Variants in LIG1 observed in about 807,000 individuals in gnomAD.
LIG1 encodes DNA ligase 1, also known as ligase I, DNA, ATP-dependent.
A neutral mutation model predicts 115.7 loss-of-function variants in LIG1; 70 were observed. That is an observed-to-expected ratio of 0.60 (90% CI 0.50 to 0.74). LIG1 has a LOEUF of 0.74. Ranked by LOEUF, LIG1 falls within the 30% of genes least tolerant of loss-of-function variation. The pLI is 0.00. For missense variants in LIG1, 1,115 were observed against 1,225.6 expected (o/e 0.91, Z 1.35); for synonymous variants, 487 against 495.3 (o/e 0.98, Z 0.22).
chr19:48,122,895 C>T lies in LIG1; in HGVS notation c.2232+39G>A. ...TGCCTAGCTGGGACAGACCTCCAGACCCGGGGTGGAGAAGGCCCAGTTGGG... is the reference window on the plus strand; with the variant it reads ...TGCCTAGCTGGGACAGACCTCCAGATCCGGGGTGGAGAAGGCCCAGTTGGG... On this transcript the variant is annotated intron_variant, in intron 23 of 27. Coordinates refer to ENST00000263274, the MANE Select transcript of LIG1 (RefSeq NM_000234.3). This position sits in a 1 kb window ranked among gnomAD's most constrained non-coding sequence, Gnocchi z 4.3. 6.3e-7 allele frequency: 1 copy of T among 1,590,000 alleles called. No individual in the cohort carries two copies. The highest frequency in any genetic ancestry group is 8.6e-7 in the Non-Finnish European group (1 of 1,158,306).
In LIG1 at chr19:48,127,933, C is replaced by T. The variant is rs1198936522; in HGVS notation, c.1909G>A (p.Val637Met). The T allele has an allele frequency of 2.5e-6, 4 of 1,614,106 alleles. No homozygotes were observed. The highest frequency in any genetic ancestry group is 1.7e-6 in the Non-Finnish European group (2 of 1,180,006). Residue 637 changes from valine (V) to methionine (M), a missense_variant, in exon 20 of 28, where the codon GTG becomes ATG. Physicochemically the swap from Val to Met is conservative, Grantham distance 21. Transcript: ENST00000263274. The stretch of plus-strand genomic sequence containing the variant: ...ACCTTGCGTTTGCGGGTGGTGAGCA[C>T]TTGGAATGGCTGGATCTGCTTCTTT... Reference protein sequence around the residue: ...REKKQIQPFQVLTTRKRKEVD... With the variant: ...REKKQIQPFQMLTTRKRKEVD...
intron 21 of LIG1, among the ~76,000 whole-genome samples, chr19:48,125,421 G>A (rs2033598026): frequency 6.6e-6 from 1 of 152,108 alleles, no homozygotes; most frequent in South Asian, 2.1e-4. Flanking sequence ...ATGAAATTGG[G>A]GGTTTGAGCA....
At position 48,122,512 on chromosome 19, in the gene LIG1, G is replaced by A. The variant is rs2033358001; in HGVS notation, c.2232+422C>T. 1 of 320,660 alleles carries A rather than the reference G, an allele frequency of 3.1e-6. No homozygotes were observed. The highest frequency in any genetic ancestry group is 6.1e-6 in the Non-Finnish European group (1 of 163,078). The allele number at this position is 320,660 out of a possible 1,614,324, so 19.9% of individuals were successfully genotyped here. A position where few individuals can be genotyped will look rare whatever the true frequency, so the allele number is the denominator to read the frequency against. ...CCTAGTGCTCTGTCCCTCACTTTGG[G>A]AAAGACTCTTCCTGATCATCCGGGG... is the stretch of plus-strand genomic sequence containing the variant. On this transcript the variant is annotated intron_variant, in intron 23 of 27. Transcript: ENST00000263274. This position sits in a 1 kb window ranked among gnomAD's most constrained non-coding sequence, Gnocchi z 4.3.
intron 4 of LIG1, among the ~76,000 whole-genome samples, chr19:48,157,961 A>G (rs2035955383): frequency 6.6e-6 from 1 of 152,170 alleles, no homozygotes. Context: ...CAGATCCCTC[A>G]TGAATGGCTT....
chr19:48,148,962 T>C (rs1383597632), intron 9 of LIG1, among the ~76,000 whole-genome samples: 1 of 152,168 alleles, frequency 6.6e-6, no homozygotes, highest in Non-Finnish European at 1.5e-5. Context: ...GGGTGTTCAG[T>C]GAATTTTAAG....
chr19:48,152,368 C>A (rs1048264419), intron 6 of LIG1, among the ~76,000 whole-genome samples: 2 of 152,206 alleles, frequency 1.3e-5, no homozygotes, highest in African/African-American at 4.8e-5. Flanking sequence ...AGTGATCCAC[C>A]CGCTTCGGCC....
At chr19:48,158,273 G>A (rs1039782606) in intron 4 of LIG1, among the ~76,000 whole-genome samples, 1 of 152,186 alleles carries the variant, frequency 6.6e-6, no homozygotes, top group Non-Finnish European at 1.5e-5. Flanking sequence ...TCCACTTAAT[G>A]TTGAGTGGGG....
intron 21 of LIG1, among the ~76,000 whole-genome samples, chr19:48,126,678 C>T (rs2033690189): frequency 6.7e-6 from 1 of 149,920 alleles, no homozygotes; most frequent in Non-Finnish European, 1.5e-5. Context: ...ATTATAGTTA[C>T]ACCTATTAGA....
Position 48,123,023 on chromosome 19 carries a change from G to A in LIG1, c.2150-7C>T. The A allele has an allele frequency of 3.7e-6, 6 of 1,613,862 alleles. No homozygotes were observed. Among genetic ancestry groups the A allele is most frequent in the Non-Finnish European group, 5.1e-6 (6 of 1,179,868 alleles). On this transcript the variant is annotated splice_polypyrimidine_tract_variant and splice_region_variant and intron_variant, in intron 22 of 27. Coordinates refer to ENST00000263274, the MANE Select transcript of LIG1 (RefSeq NM_000234.3). ...ATCAGCCCCTCGCAGGAGTCTGAGGGAGACACAGAAGCGTGGTCCTTGGGA... is the reference window on the plus strand; with the variant it reads ...ATCAGCCCCTCGCAGGAGTCTGAGGAAGACACAGAAGCGTGGTCCTTGGGA...
intron 20 of LIG1, 53 bp downstream of exon 20, chr19:48,127,857 T>A: frequency 1.4e-6 from 2 of 1,432,008 alleles, no homozygotes; most frequent in Non-Finnish European, 2.0e-6. Context: ...CAGGACTGGG[T>A]GGAAGATGAG....
intron 21 of LIG1, among the ~76,000 whole-genome samples, chr19:48,124,947 G>A (rs1297881579): frequency 4.0e-5 from 6 of 151,812 alleles, no homozygotes; most frequent in Admixed American, 2.0e-4. Flanking sequence ...CGCCAGAGGC[G>A]GAGGCTGCAG....
chr19:48,117,908 G>A (rs2122284125), intron 25 of LIG1, 127 bp from the exon 26 acceptor site: 2 of 935,864 alleles, frequency 2.1e-6, no homozygotes, highest in Non-Finnish European at 3.4e-6. Flanking sequence ...ACAGAAATAG[G>A]AAGTGAAATA....
chr19:48,133,216 G>A (rs1041203656), intron 17 of LIG1, 119 bp from the exon 18 acceptor site: 9 of 743,286 alleles, frequency 1.2e-5, no homozygotes, highest in African/African-American at 6.9e-5. Context: ...ATTCAGTCAC[G>A]AAGCCTCCCA....
intron 1 of LIG1, 187 bp downstream of exon 1, chr19:48,170,054 G>A (rs1310097083): frequency 8.2e-6 from 3 of 365,102 alleles, no homozygotes; most frequent in South Asian, 1.9e-5. Context: ...CCCTCTGGGA[G>A]ACACCTCTCT....
chr19:48,163,736 G>T (rs1446163560), intron 2 of LIG1, among the ~76,000 whole-genome samples: 1 of 152,032 alleles, frequency 6.6e-6, no homozygotes, highest in Non-Finnish European at 1.5e-5. Context: ...GAGGTCAGGA[G>T]ATCAAGACCA....
chr19:48,152,859 C>T (rs561088519), intron 6 of LIG1, among the ~76,000 whole-genome samples: 1 of 152,238 alleles, frequency 6.6e-6, no homozygotes, highest in East Asian at 1.9e-4. Flanking sequence ...TAAGATGTTA[C>T]AGAGTATCCA....
At chr19:48,147,864 A>C (rs1452584548) in intron 9 of LIG1, among the ~76,000 whole-genome samples, 2 of 152,036 alleles carry the variant, frequency 1.3e-5, no homozygotes, top group Non-Finnish European at 2.9e-5. Flanking sequence ...AATTTCTTTC[A>C]TGGCAGATTT....
chr19:48,160,163 C>G (rs1317401240), intron 4 of LIG1, among the ~76,000 whole-genome samples: 2 of 152,216 alleles, frequency 1.3e-5, no homozygotes, highest in African/African-American at 4.8e-5. Flanking sequence ...TCACGACTCC[C>G]AAACTGTAAG....
intron 9 of LIG1, among the ~76,000 whole-genome samples, chr19:48,149,427 G>A (rs1444870087): frequency 6.6e-6 from 1 of 152,154 alleles, no homozygotes; most frequent in Non-Finnish European, 1.5e-5. Context: ...AACCCTAGAG[G>A]GGCAGAGTCA....
Sources: gnomAD v4.1 joint callset for allele counts (sites outside exome capture counted in the v4.1 genomes callset) on GRCh38, gnomAD v4.1.1 for gene constraint, Gnocchi (gnomAD v3.1) non-coding constraint, MANE v1.5 for transcripts, NCBI Gene and HGNC (gene_info 2026-07-23, HGNC 2026-07-21) for gene names.